Variants in ECM2 observed in about 807,000 individuals in gnomAD.
ECM2 encodes extracellular matrix protein 2.
In ECM2, 57 loss-of-function variants were observed where a neutral mutation model predicts 67.5. That is an observed-to-expected ratio of 0.84 (90% CI 0.68 to 1.05). The LOEUF (loss-of-function observed/expected upper bound fraction) is 1.05, where lower values mean the gene tolerates loss of function less well. ECM2 is among the 50% of genes least tolerant of loss of function. ECM2 has a pLI of 0.00. For synonymous variants in ECM2, 258 were observed against 294.5 expected (o/e 0.88, Z 1.27); for missense variants, 741 against 822.8 (o/e 0.90, Z 1.22).
Position 92,501,030 on chromosome 9 carries a change from G to A in ECM2, c.1628C>T (p.Ser543Phe). 6.2e-7 allele frequency: 1 copy of A among 1,613,720 alleles called. No individual in the cohort carries two copies. The highest frequency in any genetic ancestry group is 8.5e-7 in the Non-Finnish European group (1 of 1,179,658). Reference sequence around the variant, plus strand: ...CGGGACGTGATAGAGCTTGTTGTAGGAGAGATCAATGGATTCTAGATTTCT... The same window carrying A: ...CGGGACGTGATAGAGCTTGTTGTAGAAGAGATCAATGGATTCTAGATTTCT... ...NQENLESIDL[S>F]YNKLYHVPSY... The change falls in exon 9 of 10, where the codon TCC (serine) becomes TTC (phenylalanine). Residue 543 changes from serine to phenylalanine, a missense_variant. Transcript: ENST00000344604.
At chr9:92,511,941 C>A in intron 5 of ECM2, 70 bp downstream of exon 5, 1 of 1,194,316 alleles carries the variant, frequency 8.4e-7, no homozygotes, top group Non-Finnish European at 1.2e-6. Context: ...TCCTCCCTTC[C>A]CCATCTCCAA....
At chr9:92,512,197 T>G (rs1412632596) in intron 4 of ECM2, 71 bp from the exon 5 acceptor site, 1 of 952,412 alleles carries the variant, frequency 1.0e-6, no homozygotes, top group Admixed American at 2.1e-5. Context: ...TATGGGCATG[T>G]GTGCATAGAT....
intron 2 of ECM2, among the ~76,000 whole-genome samples, chr9:92,519,290 C>CT (rs1237607044): frequency 6.6e-6 from 1 of 152,116 alleles, no homozygotes; most frequent in Non-Finnish European, 1.5e-5. Context: ...TTTCCATGGC[C>CT]TTTTTTTGCA....
chr9:92,494,451 T>A (rs767775102), downstream of ECM2, among the ~76,000 whole-genome samples: 3 of 152,236 alleles, frequency 2.0e-5, no homozygotes, highest in African/African-American at 7.2e-5. Flanking sequence ...CTAAACTGAT[T>A]ATGAAGCTCA....
In ECM2 at chr9:92,516,074, C is replaced by A. The variant is rs193022164; in HGVS notation, c.482-871G>T. ...ATTTCACAGTGCATACTTTTTTTTC[C>A]CCCCCCCGAGACGGAGTCTTGCTCT... On this transcript the variant is annotated intron_variant, in intron 3 of 9. Transcript: ENST00000344604. 2.9e-5 allele frequency among the ~76,000 whole-genome samples: 4 copies of A among 140,154 alleles called. No individual in the cohort carries two copies. In the East Asian group the frequency reaches 8.1e-4, roughly 28 times the overall value. The allele number at this position is 140,154 out of a possible 152,430, so 91.9% of individuals were successfully genotyped here.
the ECM2 span, among the ~76,000 whole-genome samples, chr9:92,558,932 G>A: frequency 6.6e-6 from 1 of 152,004 alleles, no homozygotes; most frequent in Non-Finnish European, 1.5e-5. Flanking sequence ...GCAGTCACAG[G>A]CCTCACCCAG....
the ECM2 span, among the ~76,000 whole-genome samples, chr9:92,551,768 C>T: frequency 1.2e-4 from 18 of 151,498 alleles, no homozygotes; most frequent in African/African-American, 4.1e-4. Context: ...TGAGAACATT[C>T]GATGTTTGGT....
rs141184307 is a variant in ECM2, at chr9:92,505,557, C to T, written c.1440G>A (p.Pro480=). 83 of 1,602,464 alleles carry T rather than the reference C, an allele frequency of 5.2e-5. No homozygotes were observed. Among genetic ancestry groups the T allele is most frequent in the African/African-American group, 1.3e-4 (10 of 74,172 alleles). The change falls in exon 7 of 10, where the codon CCG becomes CCA. Residue 480 remains proline (P), a synonymous_variant. Transcript: ENST00000344604. The stretch of plus-strand genomic sequence containing the variant: ...CCTCAATAGAACCAGGAAGACCCTG[C>T]GGTATAATTCTAAATTTATTTTTTC... ...RLGKNKFRII[P]QGLPGSIEEL...
intron 7 of ECM2, among the ~76,000 whole-genome samples, chr9:92,504,218 C>G (rs1846855473): frequency 6.6e-6 from 1 of 152,202 alleles, no homozygotes; most frequent in Non-Finnish European, 1.5e-5. Context: ...GTCCAAGAGT[C>G]TGTATTTCTT....
the ECM2 span, among the ~76,000 whole-genome samples, chr9:92,553,429 C>T: frequency 2.6e-5 from 4 of 151,992 alleles, no homozygotes; most frequent in African/African-American, 9.7e-5. Flanking sequence ...ATTGTTTTTT[C>T]TAATTCTGTG....
chr9:92,522,414 G>T (rs571985711), intron 2 of ECM2, among the ~76,000 whole-genome samples, 161 bp downstream of exon 2: 1 of 152,186 alleles, frequency 6.6e-6, no homozygotes, highest in Non-Finnish European at 1.5e-5. Context: ...TAAAATGTAT[G>T]TTTGTAGATT....
In ECM2 at chr9:92,514,849, C is replaced by CCCTCCTCCTCCTCAT. The variant is rs765316422; in HGVS notation, c.821_835dup (p.Asp274_Glu278dup). 4.8e-5 allele frequency: 77 copies of CCCTCCTCCTCCTCAT among 1,611,610 alleles called. No homozygotes were observed. The Middle Eastern group carries it at 9.9e-4, about 21-fold the overall frequency. On this transcript the variant is annotated inframe_insertion, in exon 4 of 10. Transcript: ENST00000344604. ...CTCCTCATCCTCCTCACCCTCCTCACCCTCCTCCTCCTCATCCTCCTCCTC... is the reference window on the plus strand; with the variant it reads ...CTCCTCATCCTCCTCACCCTCCTCACCCTCCTCCTCCTCATCCTCCTCCTCCTCATCCTCCTCCTC...
chr9:92,543,224 C>T, the ECM2 span, among the ~76,000 whole-genome samples: 1 of 152,078 alleles, frequency 6.6e-6, no homozygotes, highest in Admixed American at 6.6e-5. Flanking sequence ...GTAATCCAAG[C>T]ACTTTGGGAG....
chr9:92,522,630 C>T lies in ECM2; in HGVS notation c.237G>A (p.Lys79=), dbSNP rs781366762. The T allele has an allele frequency of 1.9e-6, 3 of 1,613,890 alleles. No homozygotes were observed. The highest frequency in any genetic ancestry group is 3.3e-5 in the Admixed American group (2 of 59,986). ...IVNFDYSMEE[K]FESFSSFPGV... ...CAGGAAAACTTGAAAAGGATTCAAA[C>T]TTTTCCTCCATGCTATAATCAAAGT... Residue 79 remains lysine (K), a synonymous_variant, in exon 2 of 10, where the codon AAG becomes AAA. Transcript: ENST00000344604.
At chr9:92,504,084 T>A (rs1427258087) in intron 7 of ECM2, among the ~76,000 whole-genome samples, 1 of 152,232 alleles carries the variant, frequency 6.6e-6, no homozygotes, top group Non-Finnish European at 1.5e-5. Context: ...CTCTTTTGTA[T>A]TATCCTCATT....
intron 1 of ECM2, among the ~76,000 whole-genome samples, chr9:92,528,614 CCACCAGT>C (rs146288206): frequency 0.036 from 5,484 of 152,292 alleles, 133 homozygotes; most frequent in Middle Eastern, 0.075. Flanking sequence ...AGTTTGTGTT[CCACCAGT>C]CAGAGTGGAA....
the ECM2 span, among the ~76,000 whole-genome samples, chr9:92,552,226 T>C: frequency 1.3e-5 from 2 of 148,156 alleles, no homozygotes; most frequent in Admixed American, 1.3e-4. Flanking sequence ...CCCCACAGTT[T>C]CTTTATCCAC....
chr9:92,513,422 C>A (rs1465935925), intron 4 of ECM2, among the ~76,000 whole-genome samples: 1 of 152,202 alleles, frequency 6.6e-6, no homozygotes, highest in African/African-American at 2.4e-5. Flanking sequence ...CATGTATTTA[C>A]CATATCCGCA....
chr9:92,542,687 T>G, the ECM2 span, among the ~76,000 whole-genome samples: 6 of 152,172 alleles, frequency 3.9e-5, no homozygotes, highest in Non-Finnish European at 5.9e-5. Flanking sequence ...CAGCTAATTT[T>G]GTGTATTTTA....
Sources: gnomAD v4.1 joint callset for allele counts (sites outside exome capture counted in the v4.1 genomes callset) on GRCh38, gnomAD v4.1.1 for gene constraint, MANE v1.5 for transcripts, NCBI Gene and HGNC (gene_info 2026-07-23, HGNC 2026-07-21) for gene names.